The following SH3RF3 variants were observed in gnomAD, a reference collection of about 807,000 sequenced individuals.
SH3RF3 encodes SH3 domain containing ring finger 3.
Under a neutral mutation model 66.3 loss-of-function variants are expected in SH3RF3, and 29 were observed. That is an observed-to-expected ratio of 0.44 (90% CI 0.33 to 0.60). The LOEUF is 0.60. Ranked by LOEUF, SH3RF3 falls within the 20% of genes least tolerant of loss-of-function variation. The pLI is 0.04. For synonymous variants in SH3RF3, 583 were observed against 532.0 expected, an observed-to-expected ratio of 1.10 and a Z score of -1.32; for missense variants, 1,194 against 1,190.9, an observed-to-expected ratio of 1.00 and a Z score of -0.04.
At position 109,129,911 on chromosome 2, in the gene SH3RF3, G is replaced by T; in HGVS notation, c.371G>T (p.Arg124Leu). 6.7e-7 allele frequency: 1 copy of T among 1,503,088 alleles called. No homozygotes were observed. The highest frequency in any genetic ancestry group is 1.2e-5 in the South Asian group (1 of 80,698). The allele number at this position is 1,503,088 out of a possible 1,614,324, so 93.1% of individuals were successfully genotyped here. ...CGACTGCTGGACGGCATCCGTCAGC[G>T]GCCCCGCGCGGGCACCAGCCCCGGC... is the stretch of plus-strand genomic sequence containing the variant. ...LVRLLDGIRQRPRAGTSPGGS... is the reference protein window; with the variant it reads ...LVRLLDGIRQLPRAGTSPGGS... The change falls in exon 1 of 10, where the codon CGG (arginine) becomes CTG (leucine). Residue 124 changes from arginine to leucine, a missense_variant. Coordinates refer to ENST00000309415, the MANE Select transcript of SH3RF3 (RefSeq NM_001099289.3).
Position 109,449,340 on chromosome 2 carries a change from C to G in SH3RF3, c.1999C>G (p.Pro667Ala), listed in dbSNP as rs367667693. 1 of 1,605,886 alleles carries G rather than the reference C, an allele frequency of 6.2e-7. No homozygotes were observed. The highest frequency in any genetic ancestry group is 2.2e-5 in the East Asian group (1 of 44,728). Residue 667 changes from proline to alanine, a missense_variant, in exon 8 of 10, where the codon CCC becomes GCC. Coordinates refer to ENST00000309415, the MANE Select transcript of SH3RF3 (RefSeq NM_001099289.3). ...GCAGATGTGCCCACGGCCGGCCATCCCCCTCACATCAGCAGCATCAGCCAT... is the reference window on the plus strand; with the variant it reads ...GCAGATGTGCCCACGGCCGGCCATCGCCCTCACATCAGCAGCATCAGCCAT... Reference protein sequence around the residue: ...PVQMCPRPAIPLTSAASAITP... With the variant: ...PVQMCPRPAIALTSAASAITP...
At chr2:109,315,043 A>T (rs1300272165) in intron 1 of SH3RF3, among the ~76,000 whole-genome samples, 1 of 152,238 alleles carries the variant, frequency 6.6e-6, no homozygotes. Context: ...AACAGCGACC[A>T]CATTGAAGAG....
At chr2:109,295,054 A>G (rs117670441) in intron 1 of SH3RF3, among the ~76,000 whole-genome samples, 1,617 of 152,344 alleles carry the variant, frequency 0.011, 97 homozygotes, top group Admixed American at 0.083. Context: ...CCTGCAGGAA[A>G]TGCCACTGTT....
chr2:109,387,052 C>T (rs114309586), intron 3 of SH3RF3, among the ~76,000 whole-genome samples: 1,611 of 152,256 alleles, frequency 0.011, 40 homozygotes, highest in African/African-American at 0.037. Flanking sequence ...TAAAATCACC[C>T]ATAATCCTAC....
chr2:109,187,296 A>G (rs192816651), intron 1 of SH3RF3, among the ~76,000 whole-genome samples: 1 of 152,196 alleles, frequency 6.6e-6, no homozygotes, highest in African/African-American at 2.4e-5. Context: ...TGACCTGTTT[A>G]GTCTTTTCTG....
intron 2 of SH3RF3, among the ~76,000 whole-genome samples, chr2:109,370,292 T>C (rs1257630324): frequency 2.0e-5 from 3 of 151,676 alleles, no homozygotes; most frequent in Non-Finnish European, 4.4e-5. Context: ...CTGGCTGGAG[T>C]GCAGAGGTAC....
chr2:109,242,277 G>C (rs1208608578), intron 1 of SH3RF3, among the ~76,000 whole-genome samples: 9 of 152,194 alleles, frequency 5.9e-5, no homozygotes, highest in African/African-American at 2.2e-4. Context: ...GTTCCCCCTA[G>C]CAGTTTTAAT....
chr2:109,228,293 A>T lies in SH3RF3; in HGVS notation c.573+98180A>T, dbSNP rs115384776. On this transcript the variant is annotated intron_variant, in intron 1 of 9. Transcript: ENST00000309415. ...CCCCAAAGGCTTTTATTGTCTCATT[A>T]ATGAGCAGGTGCAATAAATGTGTTG... 2.6e-3 allele frequency among the ~76,000 whole-genome samples: 403 copies of T among 152,298 alleles called. 2 individuals carry two copies. The highest frequency in any genetic ancestry group is 9.3e-3 in the African/African-American group (387 of 41,550).
chr2:109,502,739 C>T lies in SH3RF3; in HGVS notation c.*1068C>T, dbSNP rs898778224. The T allele has an allele frequency of 3.9e-5, 6 of 152,242 alleles. No homozygotes were observed. The highest frequency in any genetic ancestry group is 7.3e-5 in the Non-Finnish European group (5 of 68,056). The allele number at this position is 152,242 out of a possible 1,614,324, so 9.4% of individuals were successfully genotyped here. ...TCCTTTTGTGTGGCGGTAGAAGGAG[C>T]ACGCAGGTCAACCCCAGCCGGGAAG... On this transcript the variant is annotated 3_prime_UTR_variant, in exon 10 of 10. Coordinates refer to ENST00000309415, the MANE Select transcript of SH3RF3 (RefSeq NM_001099289.3).
chr2:109,300,862 TA>T (rs1681449410), intron 1 of SH3RF3, among the ~76,000 whole-genome samples: 1 of 152,114 alleles, frequency 6.6e-6, no homozygotes, highest in African/African-American at 2.4e-5. Flanking sequence ...CAGAACGACT[TA>T]AAAAGCAAGC....
At chr2:109,229,644 GGAA>G (rs1679450141) in intron 1 of SH3RF3, among the ~76,000 whole-genome samples, 2 of 152,122 alleles carry the variant, frequency 1.3e-5, no homozygotes, top group South Asian at 4.2e-4. Context: ...TCCAGGGTCA[GGAA>G]GGCCCCAGAT....
intron 1 of SH3RF3, among the ~76,000 whole-genome samples, chr2:109,211,995 G>A (rs987847131): frequency 5.9e-5 from 9 of 152,218 alleles, no homozygotes; most frequent in Non-Finnish European, 8.8e-5. Flanking sequence ...GAATGCCACT[G>A]AATTCAATAA....
At position 109,347,906 on chromosome 2, in the gene SH3RF3, T is replaced by C. The variant is rs568615291; in HGVS notation, c.806T>C (p.Met269Thr). ...PQGKALYDFE[M>T]KDKDQDKDCL... The stretch of plus-strand genomic sequence containing the variant: ...GGAAAAGCACTTTATGATTTCGAGA[T>C]GAAGGACAAAGACCAAGACAAGGAC... Residue 269 changes from methionine to threonine, a missense_variant, in exon 2 of 10, where the codon ATG (methionine) becomes ACG (threonine). Met to Thr is a moderately conservative substitution (Grantham distance 81). Coordinates refer to ENST00000309415, the MANE Select transcript of SH3RF3 (RefSeq NM_001099289.3). 1 of 1,610,786 alleles carries C rather than the reference T, an allele frequency of 6.2e-7. No individual in the cohort carries two copies. Among genetic ancestry groups the C allele is most frequent in the African/African-American group, 1.3e-5 (1 of 75,002 alleles).
At chr2:109,373,912 G>C (rs945923819) in intron 3 of SH3RF3, among the ~76,000 whole-genome samples, 2 of 152,126 alleles carry the variant, frequency 1.3e-5, no homozygotes, top group Non-Finnish European at 2.9e-5. Flanking sequence ...TTGGGAGTCC[G>C]CAAGCAGGTG....
At chr2:109,349,710 C>T (rs564511030) in intron 2 of SH3RF3, among the ~76,000 whole-genome samples, 43 of 152,376 alleles carry the variant, frequency 2.8e-4, no homozygotes, top group African/African-American at 1.0e-3. Flanking sequence ...GCTCTCCACT[C>T]GGGAGAACCC....
intron 1 of SH3RF3, among the ~76,000 whole-genome samples, chr2:109,159,759 G>GC (rs1392464397): frequency 6.6e-6 from 1 of 152,118 alleles, no homozygotes. Flanking sequence ...TCTCACAGGA[G>GC]CACAAACCTT....
chr2:109,428,599 A>T (rs1573243589), intron 5 of SH3RF3, among the ~76,000 whole-genome samples: 1 of 152,328 alleles, frequency 6.6e-6, no homozygotes, highest in Admixed American at 6.5e-5. Context: ...TGCCCTCAAG[A>T]GGCGCTTTTT....
chr2:109,410,841 C>T (rs61110963), intron 4 of SH3RF3, among the ~76,000 whole-genome samples: 10,082 of 128,722 alleles, frequency 0.078, 480 homozygotes, highest in East Asian at 0.26. Context: ...GCTTTGAAGT[C>T]GGAGCAGAGA....
At chr2:109,337,900 G>A (rs1310574456) in intron 1 of SH3RF3, among the ~76,000 whole-genome samples, 1 of 151,662 alleles carries the variant, frequency 6.6e-6, no homozygotes, top group Non-Finnish European at 1.5e-5. Flanking sequence ...GCTAATTTTT[G>A]TATTTTTTTT....
Sources: allele counts gnomAD v4.1 joint callset (sites outside exome capture counted in the v4.1 genomes callset), GRCh38; gene constraint gnomAD v4.1.1; transcripts MANE v1.5; gene names NCBI Gene and HGNC (gene_info 2026-07-23, HGNC 2026-07-21).